The following UST variants were observed in gnomAD, a reference collection of about 807,000 sequenced individuals.
UST encodes the protein chondroitin sulfate 2-O-sulfotransferase.
UST carries 21 observed loss-of-function variants against 45.6 expected under a neutral mutation model. The ratio of observed to expected loss-of-function variants is 0.46; its 90% CI spans 0.33 to 0.66. The LOEUF is 0.66. Ranked by LOEUF, UST falls within the 30% of genes least tolerant of loss-of-function variation. UST has a pLI of 0.02. For synonymous variants in UST, 215 were observed against 200.6 expected, an observed-to-expected ratio of 1.07 and a Z score of -0.61; for missense variants, 463 against 512.4, an observed-to-expected ratio of 0.90 and a Z score of 0.93.
chr6:148,801,060 C>T (rs1295687225), intron 1 of UST, among the ~76,000 whole-genome samples: 3 of 152,126 alleles, frequency 2.0e-5, no homozygotes, highest in Admixed American at 6.5e-5. Flanking sequence ...CTTGCAACTC[C>T]ATCAGTGAGG....
At chr6:148,890,747 G>C (rs563167400) in intron 2 of UST, among the ~76,000 whole-genome samples, 1 of 152,236 alleles carries the variant, frequency 6.6e-6, no homozygotes, top group East Asian at 1.9e-4. Flanking sequence ...GAACCTCACA[G>C]CTCACCTCGG....
At chr6:148,982,996 A>G (rs753590550) in intron 5 of UST, among the ~76,000 whole-genome samples, 2 of 152,214 alleles carry the variant, frequency 1.3e-5, no homozygotes, top group Non-Finnish European at 2.9e-5. Context: ...ATGTGATTAG[A>G]GAAAGTCAGG....
chr6:149,030,862 G>A (rs189673073), intron 7 of UST, among the ~76,000 whole-genome samples: 1 of 152,204 alleles, frequency 6.6e-6, no homozygotes, highest in Admixed American at 6.5e-5. Flanking sequence ...TTTCCAGTGG[G>A]GGTTGCGGGG....
At chr6:148,846,405 C>T (rs937738345) in intron 1 of UST, among the ~76,000 whole-genome samples, 1 of 151,502 alleles carries the variant, frequency 6.6e-6, no homozygotes, top group Non-Finnish European at 1.5e-5. Flanking sequence ...AATGAGAACA[C>T]ATGGACGTAG....
intron 1 of UST, among the ~76,000 whole-genome samples, chr6:148,752,369 G>A (rs914083477): frequency 1.1e-4 from 17 of 152,116 alleles, no homozygotes; most frequent in African/African-American, 3.9e-4. Flanking sequence ...AAAATATGAC[G>A]TTATCAATAG....
At position 148,747,661 on chromosome 6, in the gene UST, C is replaced by T. The variant is rs779558967; in HGVS notation, c.231C>T (p.Asp77=). The change falls in exon 1 of 8, where the codon GAC becomes GAT. Residue 77 remains aspartate, a synonymous_variant. Coordinates refer to ENST00000367463, the MANE Select transcript of UST (RefSeq NM_005715.3). ...LSGGPPRFLL[D]LRQYLGNSTY... is the part of the protein sequence containing the mutation. The stretch of plus-strand genomic sequence containing the variant: ...GGGGACCCCCTCGCTTCCTGCTCGA[C>T]CTGCGGCAGTACTTGGGTAAGGAAG... The T allele has an allele frequency of 6.2e-7, 1 of 1,600,966 alleles. No homozygotes were observed. Among genetic ancestry groups the T allele is most frequent in the Non-Finnish European group, 8.5e-7 (1 of 1,175,202 alleles).
Position 148,910,296 on chromosome 6 carries a change from A to G in UST, c.291+23267A>G, listed in dbSNP as rs142818629. On this transcript the variant is annotated intron_variant, in intron 2 of 7. Coordinates refer to ENST00000367463, the MANE Select transcript of UST (RefSeq NM_005715.3). ...GCTGGGATAACAGGCATGCACCACC[A>G]CACCCAGCTAAGTTTGTATTTTTAG... Among the ~76,000 whole-genome samples, 1,120 of 152,022 alleles carry G rather than the reference A, an allele frequency of 7.4e-3. 11 individuals carry two copies. Among genetic ancestry groups the G allele is most frequent in the African/African-American group, 0.024 (1,015 of 41,484 alleles).
At chr6:148,799,728 A>G (rs1216058811) in intron 1 of UST, among the ~76,000 whole-genome samples, 1 of 151,688 alleles carries the variant, frequency 6.6e-6, no homozygotes, top group Admixed American at 6.6e-5. Flanking sequence ...TTGTATACTC[A>G]TTCTTTATCA....
At chr6:148,818,441 G>C (rs543441925) in intron 1 of UST, among the ~76,000 whole-genome samples, 11 of 152,326 alleles carry the variant, frequency 7.2e-5, no homozygotes, top group African/African-American at 2.4e-4. Context: ...TTCCCATTGA[G>C]AGAGAACTCT....
chr6:148,916,786 TAC>T (rs1393639565), intron 2 of UST, among the ~76,000 whole-genome samples: 2 of 152,158 alleles, frequency 1.3e-5, no homozygotes, highest in Non-Finnish European at 2.9e-5. Context: ...AGATTTTGAG[TAC>T]AGTGTCGTAA....
intron 1 of UST, among the ~76,000 whole-genome samples, chr6:148,760,705 GCAAAACAAAACAAAA>G (rs541127131): frequency 4.7e-5 from 7 of 149,650 alleles, no homozygotes; most frequent in Admixed American, 6.6e-5. Context: ...CATAACCATA[GCAAAACAAAACAAAA>G]CAAAACAAAA....
At chr6:148,905,694 C>A (rs1361054388) in intron 2 of UST, among the ~76,000 whole-genome samples, 1 of 152,222 alleles carries the variant, frequency 6.6e-6, no homozygotes, top group Admixed American at 6.5e-5. Context: ...CCTGAAAAAC[C>A]TTTGTGCCAT....
chr6:149,042,786 A>G (rs182343855), intron 7 of UST, among the ~76,000 whole-genome samples: 1 of 152,244 alleles, frequency 6.6e-6, no homozygotes, highest in Admixed American at 6.5e-5. Context: ...GATTTGATAT[A>G]TATTTTTTCC....
intron 5 of UST, among the ~76,000 whole-genome samples, chr6:149,018,807 A>G (rs1775941337): frequency 6.6e-6 from 1 of 152,074 alleles, no homozygotes; most frequent in African/African-American, 2.4e-5. Context: ...TTGGCTGGCA[A>G]CTGGTGGCGC....
At position 148,823,808 on chromosome 6, in the gene UST, T is replaced by C. The variant is rs574209927; in HGVS notation, c.248-63178T>C. On this transcript the variant is annotated intron_variant, in intron 1 of 7. Transcript: ENST00000367463. ...TATAGAATTTTAGATGCAGAATGAA[T>C]GAAAGGAGAAAAATCACCTTCAGTT... Among the ~76,000 whole-genome samples the C allele has an allele frequency of 3.3e-5, 5 of 152,304 alleles. No individual in the cohort carries two copies. The South Asian group carries it at 8.3e-4, about 25-fold the overall frequency.
chr6:148,964,539 C>T lies in UST; in HGVS notation c.657C>T (p.Ser219=). The change falls in exon 5 of 8, where the codon AGC becomes AGT. Residue 219 remains serine (S), a synonymous_variant. Coordinates refer to ENST00000367463, the MANE Select transcript of UST (RefSeq NM_005715.3). ...AAAATCACATGATCCGCACCCCCAG[C>T]ATGAGGCAGGAGGAGCGCTACCTGG... The part of the protein sequence containing the change: ...GEQNHMIRTP[S]MRQEERYLDI... The T allele has an allele frequency of 6.2e-7, 1 of 1,614,024 alleles. No homozygotes were observed. The highest frequency in any genetic ancestry group is 8.5e-7 in the Non-Finnish European group (1 of 1,180,056).
At chr6:148,954,526 T>C (rs1780442080) in intron 4 of UST, among the ~76,000 whole-genome samples, 1 of 152,214 alleles carries the variant, frequency 6.6e-6, no homozygotes, top group African/African-American at 2.4e-5. Context: ...TGTGTCACAG[T>C]TGCCTCCAGT....
chr6:148,857,947 G>A (rs900529489), intron 1 of UST, among the ~76,000 whole-genome samples: 9 of 151,382 alleles, frequency 5.9e-5, no homozygotes, highest in East Asian at 5.8e-4. Context: ...ACACTTGGGC[G>A]AAAATGAAAA....
At chr6:148,952,668 C>G (rs1228298159) in intron 3 of UST, among the ~76,000 whole-genome samples, 1 of 152,168 alleles carries the variant, frequency 6.6e-6, no homozygotes, top group Non-Finnish European at 1.5e-5. Context: ...ACCTGGAGTT[C>G]CAGACTCTTA....
Sources: allele counts gnomAD v4.1 joint callset (sites outside exome capture counted in the v4.1 genomes callset), GRCh38; gene constraint gnomAD v4.1.1; transcripts MANE v1.5; gene names NCBI Gene and HGNC (gene_info 2026-07-23, HGNC 2026-07-21).